Variants in TET2 observed in about 807,000 individuals in gnomAD.
TET2 encodes the protein tet methylcytosine dioxygenase 2.
In TET2, 299 loss-of-function variants were observed where a neutral mutation model predicts 142.9. The ratio of observed to expected loss-of-function variants is 2.09; its 90% CI spans 1.90 to 2.30. TET2 has a LOEUF of 2.30. Ranked by LOEUF, TET2 falls within the 30% of genes most tolerant of loss-of-function variation. The pLI, the probability that TET2 is intolerant of heterozygous loss-of-function variation, is 0.00. For missense variants in TET2, 2,418 were observed against 2,378.0 expected (o/e 1.02, Z -0.35); for synonymous variants, 819 against 849.0 (o/e 0.96, Z 0.61).
At chr4:105,220,358 A>T (rs2110580629) in intron 2 of TET2, among the ~76,000 whole-genome samples, 1 of 152,264 alleles carries the variant, frequency 6.6e-6, no homozygotes, top group African/African-American at 2.4e-5. Flanking sequence ...TGACCAGGTA[A>T]CATAATTTTT....
intron 6 of TET2, among the ~76,000 whole-genome samples, chr4:105,244,586 G>GTTTTTTTTTTTTTTTTTTTTTTTTTTTT (rs566674796): frequency 1.5e-5 from 1 of 66,696 alleles, no homozygotes; most frequent in Non-Finnish European, 3.4e-5. Flanking sequence ...ACACAGAAAT[G>GTTTTTTTTTTTTTTTTTTTTTTTTTTTT]TTTTTTTTTT....
intron 1 of TET2, among the ~76,000 whole-genome samples, chr4:105,185,775 T>A (rs1024901737): frequency 6.6e-6 from 1 of 151,942 alleles, no homozygotes; most frequent in Admixed American, 6.6e-5. Flanking sequence ...CAAGACTCTG[T>A]CTCTAAAAAA....
chr4:105,266,296 A>G (rs535901112), intron 8 of TET2, among the ~76,000 whole-genome samples: 1 of 152,334 alleles, frequency 6.6e-6, no homozygotes, highest in South Asian at 2.1e-4. Context: ...ATGAAAACAT[A>G]GAAGGGCCAA....
chr4:105,267,504 T>A (rs1578728736), intron 8 of TET2, among the ~76,000 whole-genome samples: 1 of 148,684 alleles, frequency 6.7e-6, no homozygotes, highest in South Asian at 2.1e-4. Flanking sequence ...CTGTAAACTG[T>A]GAGACGTTAG....
chr4:105,238,122 A>G (rs528830452), intron 3 of TET2: 108 of 221,232 alleles, frequency 4.9e-4, no homozygotes, highest in Middle Eastern at 1.6e-3. Flanking sequence ...TAAGTGTGCA[A>G]TAGCATTGTG....
Position 105,278,828 on chromosome 4 carries a change from A to T in TET2, c.*2309A>T, listed in dbSNP as rs573228952. Reference sequence around the variant, plus strand: ...GCTGTTGGCCAGAGACTTACTTGTAACTCTCTAAATGAAGTTTTTTTGATC... The same window carrying T: ...GCTGTTGGCCAGAGACTTACTTGTATCTCTCTAAATGAAGTTTTTTTGATC... On this transcript the variant is annotated 3_prime_UTR_variant, in exon 11 of 11. Coordinates refer to ENST00000380013, the MANE Select transcript of TET2 (RefSeq NM_001127208.3). 1.3e-5 allele frequency: 3 copies of T among 233,004 alleles called. No homozygotes were observed. In the East Asian group the frequency reaches 1.8e-4, roughly 14 times the overall value. 14.4% of individuals were successfully genotyped at this position (233,004 alleles called of 1,614,324 possible). A position where few individuals can be genotyped will look rare whatever the true frequency, so the allele number is the denominator to read the frequency against.
At chr4:105,258,416 T>C (rs562055041) in intron 6 of TET2, among the ~76,000 whole-genome samples, 47 of 152,220 alleles carry the variant, frequency 3.1e-4, no homozygotes, top group Non-Finnish European at 5.6e-4. Flanking sequence ...GTAAGAATGA[T>C]AGAATAAATG....
intron 3 of TET2, chr4:105,237,649 T>C: frequency 7.0e-7 from 1 of 1,420,056 alleles, no homozygotes; most frequent in African/African-American, 1.4e-5. Flanking sequence ...TTCGCCTATT[T>C]AGCTCTTTGT....
At chr4:105,217,156 T>C (rs973394642) in intron 2 of TET2, among the ~76,000 whole-genome samples, 1 of 152,010 alleles carries the variant, frequency 6.6e-6, no homozygotes, top group African/African-American at 2.4e-5. Context: ...GACCTTTCTC[T>C]TCATTTCAAA....
chr4:105,236,724 T>C lies in TET2; in HGVS notation c.2782T>C (p.Phe928Leu). The change falls in exon 3 of 11, where the codon TTT (phenylalanine) becomes CTT (leucine). Residue 928 changes from phenylalanine (F) to leucine (L), a missense_variant. By Grantham distance (22) the Phe-to-Leu change is conservative. Coordinates refer to ENST00000380013, the MANE Select transcript of TET2 (RefSeq NM_001127208.3). ...RYLIHNHANV[F>L]PVPDQGGSHT... Reference sequence around the variant, plus strand: ...CTTGATACATAACCATGCAAATGTTTTTCCTGTGCCTGACCAGGGAGGAAG... The same window carrying C: ...CTTGATACATAACCATGCAAATGTTCTTCCTGTGCCTGACCAGGGAGGAAG... 6.2e-7 allele frequency: 1 copy of C among 1,614,122 alleles called. No individual in the cohort carries two copies. The highest frequency in any genetic ancestry group is 1.1e-5 in the South Asian group (1 of 91,084).
At chr4:105,201,732 C>CT (rs70964636) in intron 2 of TET2, among the ~76,000 whole-genome samples, 37,902 of 62,820 alleles carry the variant, frequency 0.6, 15,617 homozygotes, top group Non-Finnish European at 0.69. Flanking sequence ...CATCCAGGAC[C>CT]TTTTTTTTTT....
intron 1 of TET2, among the ~76,000 whole-genome samples, chr4:105,176,958 A>G (rs1035769342): frequency 3.3e-5 from 5 of 152,226 alleles, no homozygotes; most frequent in African/African-American, 1.2e-4. Flanking sequence ...AAACAAACCC[A>G]TGTAAATATA....
intron 1 of TET2, among the ~76,000 whole-genome samples, chr4:105,153,464 TGTAA>T (rs1723412924): frequency 6.6e-6 from 1 of 152,266 alleles, no homozygotes; most frequent in African/African-American, 2.4e-5. Context: ...TGTGTCAGAA[TGTAA>T]GTTTTTGTTT....
chr4:105,249,499 T>G (rs1478116109), intron 6 of TET2, among the ~76,000 whole-genome samples: 1 of 152,230 alleles, frequency 6.6e-6, no homozygotes, highest in Non-Finnish European at 1.5e-5. Context: ...TAACTTTATG[T>G]TTAACTTTTT....
At chr4:105,217,195 ATGG>A (rs911406723) in intron 2 of TET2, among the ~76,000 whole-genome samples, 1 of 151,988 alleles carries the variant, frequency 6.6e-6, no homozygotes, top group Non-Finnish European at 1.5e-5. Context: ...TGTTTAGCTC[ATGG>A]TGAAAAAAAA....
intron 2 of TET2, among the ~76,000 whole-genome samples, chr4:105,191,726 T>G (rs1202906351): frequency 6.6e-6 from 1 of 152,156 alleles, no homozygotes; most frequent in East Asian, 1.9e-4. Context: ...TGTCCTCAGT[T>G]GAACTCCCAT....
chr4:105,275,511 G>C lies in TET2; in HGVS notation c.5001G>C (p.Leu1667=), dbSNP rs2110313497. 6.4e-7 allele frequency: 1 copy of C among 1,551,644 alleles called. No individual in the cohort carries two copies. Among genetic ancestry groups the C allele is most frequent in the East Asian group, 2.4e-5 (1 of 40,918 alleles). The change falls in exon 11 of 11, where the codon CTG becomes CTC. Residue 1667 remains leucine, a synonymous_variant. Coordinates refer to ENST00000380013, the MANE Select transcript of TET2 (RefSeq NM_001127208.3). ...DLYRYPSQDP[L]SKLSLPPIHT... ...ATAGGTATCCAAGCCAAGACCCTCT[G>C]TCTAAGCTCAGTCTACCACCCATCC...
At chr4:105,204,144 G>C (rs1052691380) in intron 2 of TET2, among the ~76,000 whole-genome samples, 7 of 151,418 alleles carry the variant, frequency 4.6e-5, no homozygotes, top group Non-Finnish European at 1.0e-4. Context: ...GTTGCAGTGA[G>C]TTGAGTTCGC....
At chr4:105,195,843 C>T (rs1425649187) in intron 2 of TET2, among the ~76,000 whole-genome samples, 1 of 152,148 alleles carries the variant, frequency 6.6e-6, no homozygotes, top group South Asian at 2.1e-4. Context: ...ACCAAGGACA[C>T]GTATAGTCCT....
Sources: gnomAD v4.1 joint callset for allele counts (sites outside exome capture counted in the v4.1 genomes callset) on GRCh38, gnomAD v4.1.1 for gene constraint, MANE v1.5 for transcripts, NCBI Gene and HGNC (gene_info 2026-07-23, HGNC 2026-07-21) for gene names.